Variants in COL15A1 observed in about 807,000 individuals in gnomAD.
COL15A1 encodes collagen alpha-1(XV) chain.
A neutral mutation model predicts 165.9 loss-of-function variants in COL15A1; 111 were observed. The ratio of observed to expected loss-of-function variants is 0.67; its 90% CI spans 0.57 to 0.78. COL15A1 has a LOEUF of 0.78. Ranked by LOEUF, COL15A1 falls within the 30% of genes least tolerant of loss-of-function variation. COL15A1 has a pLI of 0.00. For missense variants in COL15A1, 1,745 were observed against 1,789.7 expected (o/e 0.98, Z 0.45); for synonymous variants, 659 against 674.8 (o/e 0.98, Z 0.36).
intron 2 of COL15A1, among the ~76,000 whole-genome samples, chr9:98,970,016 G>T (rs1483032874): frequency 6.7e-6 from 1 of 150,198 alleles, no homozygotes; most frequent in Non-Finnish European, 1.5e-5. Flanking sequence ...CAACATCTTT[G>T]GGAGTGAGGC....
chr9:99,039,737 C>T (rs1476795859), intron 22 of COL15A1, among the ~76,000 whole-genome samples: 3 of 152,168 alleles, frequency 2.0e-5, no homozygotes, highest in Non-Finnish European at 2.9e-5. Context: ...ACTCTGAGCC[C>T]CTAATTCTCT....
Position 99,023,401 on chromosome 9 carries a change from C to A in COL15A1, c.1806C>A (p.Asp602Glu), listed in dbSNP as rs546379223. 2 of 1,603,560 alleles carry A rather than the reference C, an allele frequency of 1.2e-6. No homozygotes were observed. Among genetic ancestry groups the A allele is most frequent in the East Asian group, 4.5e-5 (2 of 44,792 alleles). Residue 602 changes from aspartate to glutamate, a missense_variant, in exon 14 of 42, where the codon GAC (aspartate) becomes GAA (glutamate). Transcript: ENST00000375001. ...GCTCTGGCCTAGGCTGGGGCTCGGA[C>A]GTCGGCTCTGGCTCTGGTGACCTGG... Reference protein sequence around the residue: ...AEGSGLGWGSDVGSGSGDLVG... With the variant: ...AEGSGLGWGSEVGSGSGDLVG...
At chr9:99,030,517 C>T (rs77248055) in intron 16 of COL15A1, among the ~76,000 whole-genome samples, 1,610 of 152,276 alleles carry the variant, frequency 0.011, 21 homozygotes, top group African/African-American at 0.037. Flanking sequence ...GCCATCTTAT[C>T]TGTGAGTCAA....
chr9:98,962,602 A>G (rs542093704), intron 2 of COL15A1, among the ~76,000 whole-genome samples: 42 of 152,366 alleles, frequency 2.8e-4, no homozygotes, highest in African/African-American at 9.6e-4. Flanking sequence ...TAAATTTTCA[A>G]GGTCCTGGGG....
At chr9:99,034,525 T>A (rs775484287) in intron 16 of COL15A1, 24 bp from the exon 17 acceptor site, 3 of 1,583,686 alleles carry the variant, frequency 1.9e-6, no homozygotes, top group Non-Finnish European at 2.6e-6. Flanking sequence ...AATTGGTCCA[T>A]GTTTTTGTTT....
intron 26 of COL15A1, 32 bp from the exon 27 acceptor site, chr9:99,047,754 C>T: frequency 8.7e-6 from 14 of 1,611,982 alleles, no homozygotes; most frequent in Non-Finnish European, 1.1e-5. Context: ...ACTTTCTGTT[C>T]TTTTCTAATC....
chr9:98,974,845 A>G (rs900870456), intron 2 of COL15A1, among the ~76,000 whole-genome samples: 2 of 152,212 alleles, frequency 1.3e-5, no homozygotes, highest in African/African-American at 4.8e-5. Context: ...TGGGAATGGT[A>G]GAAACCCAGG....
intron 28 of COL15A1, among the ~76,000 whole-genome samples, chr9:99,049,031 C>G (rs1162843892): frequency 1.3e-5 from 2 of 152,108 alleles, no homozygotes; most frequent in Admixed American, 1.3e-4. Flanking sequence ...CCCACTGGAA[C>G]CGGCAGGCAA....
intron 4 of COL15A1, among the ~76,000 whole-genome samples, chr9:98,988,737 A>C (rs971474042): frequency 1.3e-5 from 2 of 152,086 alleles, no homozygotes; most frequent in Admixed American, 6.6e-5. Context: ...AGCCTGGCCA[A>C]CATGGTGAAA....
Position 99,054,458 on chromosome 9 carries a change from G to A in COL15A1, c.2951-118G>A. ...TTACACTTGCTGATCTCTCAGGAGG[G>A]CTTTGTTTGAGTGGACTTTGCTAAA... On this transcript the variant is annotated intron_variant, in intron 31 of 41. Transcript: ENST00000375001. The A allele has an allele frequency of 2.8e-6, 3 of 1,060,410 alleles. No homozygotes were observed. The South Asian group carries it at 5.3e-5, about 19-fold the overall frequency. 65.7% of individuals were successfully genotyped at this position (1,060,410 alleles called of 1,614,324 possible).
Position 98,989,232 on chromosome 9 carries a change from G to A in COL15A1, c.778G>A (p.Glu260Lys). ...GGCAGACGGAGTAGCTGAGATCTTA[G>A]AAGCCGTCACCTACACTCAAGCCTC... The part of the protein sequence containing the change: ...QEADGVAEIL[E>K]AVTYTQASPK... The change falls in exon 5 of 42, where the codon GAA becomes AAA. Residue 260 changes from glutamate (E) to lysine (K), a missense_variant. By Grantham distance (56) the Glu-to-Lys change is moderately conservative. Transcript: ENST00000375001. The A allele has an allele frequency of 6.2e-7, 1 of 1,614,092 alleles. No individual in the cohort carries two copies. The highest frequency in any genetic ancestry group is 8.5e-7 in the Non-Finnish European group (1 of 1,179,958).
At position 99,035,757 on chromosome 9, in the gene COL15A1, A is replaced by C. The variant is rs567916628; in HGVS notation, c.2289+339A>C. Among the ~76,000 whole-genome samples the C allele has an allele frequency of 7.2e-5, 11 of 151,904 alleles. No homozygotes were observed. The East Asian group carries it at 7.8e-4, about 11-fold the overall frequency. ...TCCAGTTGCCCCATTCAATGCACAC[A>C]CTTTGCCCCAGGTCAAAGCCCTGTG... On this transcript the variant is annotated intron_variant, in intron 19 of 41. Transcript: ENST00000375001.
chr9:98,992,681 C>T (rs1344364429), intron 5 of COL15A1, among the ~76,000 whole-genome samples: 1 of 152,246 alleles, frequency 6.6e-6, no homozygotes, highest in Admixed American at 6.5e-5. Flanking sequence ...CATGATTTCA[C>T]TTTTGTTTCT....
intron 3 of COL15A1, chr9:98,986,314 A>C (rs1333657891): frequency 1.8e-6 from 1 of 561,606 alleles, no homozygotes; most frequent in African/African-American, 1.9e-5. Flanking sequence ...TGTAAATTTG[A>C]GACAGTTATC....
intron 40 of COL15A1, 21 bp from the exon 41 acceptor site, chr9:99,068,534 T>A (rs764040415): frequency 3.0e-6 from 3 of 997,258 alleles, no homozygotes; most frequent in South Asian, 3.7e-5. Context: ...ATGATTCTAA[T>A]GTGGTATTTT....
intron 9 of COL15A1, among the ~76,000 whole-genome samples, chr9:99,006,139 G>A (rs926000334): frequency 3.3e-5 from 5 of 151,948 alleles, no homozygotes; most frequent in Non-Finnish European, 7.3e-5. Context: ...TTATCCTTTA[G>A]AATTCAGCTC....
At chr9:98,997,111 G>A (rs750079277) in intron 6 of COL15A1, 30 bp downstream of exon 6, 66 of 1,612,876 alleles carry the variant, frequency 4.1e-5, no homozygotes, top group Middle Eastern at 1.6e-4. Context: ...CCTACGTAGT[G>A]GCCTTTTATT....
intron 2 of COL15A1, among the ~76,000 whole-genome samples, chr9:98,982,668 G>T (rs1290448891): frequency 6.6e-6 from 1 of 151,588 alleles, no homozygotes; most frequent in Admixed American, 6.6e-5. Flanking sequence ...TTTAGACAGG[G>T]TCTCGCTCTG....
At chr9:98,948,908 A>G (rs1464572650) in intron 2 of COL15A1, among the ~76,000 whole-genome samples, 1 of 152,252 alleles carries the variant, frequency 6.6e-6, no homozygotes, top group African/African-American at 2.4e-5. Flanking sequence ...AAGGTACAGT[A>G]CAATCTTGTA....
Sources: allele counts gnomAD v4.1 joint callset (sites outside exome capture counted in the v4.1 genomes callset), GRCh38; gene constraint gnomAD v4.1.1; transcripts MANE v1.5; gene names NCBI Gene and HGNC (gene_info 2026-07-23, HGNC 2026-07-21).